DLG2: variants seen among roughly 807,000 people sequenced by gnomAD.
DLG2 encodes disks large homolog 2.
DLG2 carries 45 observed loss-of-function variants against 132.5 expected under a neutral mutation model. The observed-to-expected ratio is 0.34, with a 90% CI of 0.27 to 0.44. The LOEUF is 0.44. DLG2 is among the 20% of genes least tolerant of loss of function. The probability of loss-of-function intolerance (pLI) is 1.00; values close to 1 mark genes in which losing one functional copy is unlikely to be tolerated. For missense variants in DLG2, 1,045 were observed against 1,196.9 expected, an observed-to-expected ratio of 0.87 and a Z score of 1.87; for synonymous variants, 424 against 419.6, an observed-to-expected ratio of 1.01 and a Z score of -0.13.
intron 17 of DLG2, among the ~76,000 whole-genome samples, chr11:83,815,593 C>T (rs2048649814): frequency 6.6e-6 from 1 of 152,104 alleles, no homozygotes; most frequent in Non-Finnish European, 1.5e-5. Flanking sequence ...TCCTGCAGCC[C>T]ACCTTGGGGA....
intron 3 of DLG2, among the ~76,000 whole-genome samples, chr11:85,365,725 C>T (rs1197160501): frequency 6.6e-6 from 1 of 152,182 alleles, no homozygotes; most frequent in African/African-American, 2.4e-5. Flanking sequence ...AAATGTGGCA[C>T]ATAGACACCA....
intron 2 of DLG2, among the ~76,000 whole-genome samples, chr11:85,624,345 A>G (rs568146563): frequency 1.3e-5 from 2 of 152,326 alleles, no homozygotes; most frequent in South Asian, 4.1e-4. Flanking sequence ...AAAATATACT[A>G]ACTAAATACC....
At chr11:83,497,521 A>C (rs2094209582) in intron 21 of DLG2, among the ~76,000 whole-genome samples, 1 of 149,980 alleles carries the variant, frequency 6.7e-6, no homozygotes, top group African/African-American at 2.4e-5. Flanking sequence ...GGCAACACAG[A>C]GAGACTTCGT....
intron 6 of DLG2, among the ~76,000 whole-genome samples, chr11:85,020,226 G>A (rs2059922636): frequency 6.6e-6 from 1 of 152,178 alleles, no homozygotes; most frequent in Non-Finnish European, 1.5e-5. Flanking sequence ...CAGTAATGAT[G>A]AGCATTTTTT....
intron 3 of DLG2, among the ~76,000 whole-genome samples, chr11:85,320,530 AG>A (rs1383083971): frequency 6.6e-6 from 1 of 151,960 alleles, no homozygotes; most frequent in Non-Finnish European, 1.5e-5. Context: ...TTCAAGTGTG[AG>A]GAAAAAATAT....
intron 17 of DLG2, among the ~76,000 whole-genome samples, chr11:83,808,681 T>C (rs533719289): frequency 6.6e-6 from 1 of 152,312 alleles, no homozygotes; most frequent in African/African-American, 2.4e-5. Context: ...CAAGTTTGCA[T>C]TGCATGCAGT....
chr11:84,238,545 G>C (rs79507709), intron 8 of DLG2, among the ~76,000 whole-genome samples: 1 of 149,258 alleles, frequency 6.7e-6, no homozygotes, highest in African/African-American at 2.5e-5. Flanking sequence ...AAAAAAAAAA[G>C]CCAAGCAAGA....
intron 10 of DLG2, among the ~76,000 whole-genome samples, chr11:84,093,579 T>C (rs1181783455): frequency 1.3e-5 from 2 of 152,122 alleles, no homozygotes; most frequent in Non-Finnish European, 2.9e-5. Context: ...GTTCTATGGA[T>C]TATGGTATAG....
Position 84,385,769 on chromosome 11 carries a change from C to T in DLG2, c.520-134478G>A, listed in dbSNP as rs537193131. On this transcript the variant is annotated intron_variant, in intron 7 of 27. Transcript: ENST00000376104. ...ATACCTTGAGTCCAATGGGAGCCTA[C>T]AATTAAGACTTGCAAATAGTAATTG... Among the ~76,000 whole-genome samples, 56 of 152,148 alleles carry T rather than the reference C, an allele frequency of 3.7e-4. 1 individual carries two copies. In the South Asian group the frequency reaches 0.011, roughly 30 times the overall value.
intron 17 of DLG2, among the ~76,000 whole-genome samples, chr11:83,814,353 T>G (rs1490124349): frequency 6.6e-6 from 1 of 152,196 alleles, no homozygotes; most frequent in Non-Finnish European, 1.5e-5. Context: ...CCTTTCCTAT[T>G]TCCTATTTTT....
chr11:85,585,675 G>T (rs1406370718), intron 3 of DLG2, among the ~76,000 whole-genome samples: 1 of 151,356 alleles, frequency 6.6e-6, no homozygotes, highest in Non-Finnish European at 1.5e-5. Context: ...AGATGATCAT[G>T]TGATTTTTGT....
chr11:85,043,970 T>C (rs1187096501), intron 6 of DLG2, among the ~76,000 whole-genome samples: 4 of 151,958 alleles, frequency 2.6e-5, no homozygotes, highest in South Asian at 4.1e-4. Flanking sequence ...CATTTATATA[T>C]ACAGAATAAC....
At chr11:84,019,617 G>A (rs1348905719) in intron 11 of DLG2, among the ~76,000 whole-genome samples, 1 of 152,124 alleles carries the variant, frequency 6.6e-6, no homozygotes, top group Non-Finnish European at 1.5e-5. Context: ...ATTATGTTAA[G>A]ATGAAGTTAT....
intron 3 of DLG2, among the ~76,000 whole-genome samples, chr11:85,554,871 G>A (rs1185207505): frequency 6.6e-6 from 1 of 151,502 alleles, no homozygotes; most frequent in Non-Finnish European, 1.5e-5. Context: ...CTGGACCTGT[G>A]AATCATGGCT....
At chr11:85,337,994 C>CATT (rs1392717781) in intron 3 of DLG2, among the ~76,000 whole-genome samples, 3 of 152,016 alleles carry the variant, frequency 2.0e-5, no homozygotes, top group African/African-American at 7.2e-5. Context: ...GAAGATAGTG[C>CATT]TAATATAAAA....
intron 7 of DLG2, among the ~76,000 whole-genome samples, chr11:84,485,379 C>A (rs2099148183): frequency 6.6e-6 from 1 of 152,008 alleles, no homozygotes. Context: ...TAAGAAACCC[C>A]CAAATAACTC....
intron 6 of DLG2, among the ~76,000 whole-genome samples, chr11:84,652,313 G>C (rs1157959654): frequency 6.6e-6 from 1 of 152,118 alleles, no homozygotes; most frequent in Non-Finnish European, 1.5e-5. Context: ...AGGAATGGAA[G>C]ATATACAAGA....
At chr11:84,121,873 C>CT (rs147072363) in intron 9 of DLG2, among the ~76,000 whole-genome samples, 6,729 of 151,720 alleles carry the variant, frequency 0.044, 205 homozygotes, top group Non-Finnish European at 0.072. Flanking sequence ...TCCTTGCTAA[C>CT]TTTTAAAGAT....
At chr11:85,274,369 T>TA (rs1433674764) in intron 4 of DLG2, among the ~76,000 whole-genome samples, 1 of 151,776 alleles carries the variant, frequency 6.6e-6, no homozygotes, top group Non-Finnish European at 1.5e-5. Flanking sequence ...TCAACAACAA[T>TA]AACAAAAAAA....
Sources: allele counts gnomAD v4.1 joint callset (sites outside exome capture counted in the v4.1 genomes callset), GRCh38; gene constraint gnomAD v4.1.1; transcripts MANE v1.5; gene names NCBI Gene and HGNC (gene_info 2026-07-23, HGNC 2026-07-21).